GBA2: variants seen among roughly 807,000 people sequenced by gnomAD.
The protein encoded by GBA2 is glucosylceramidase beta 2.
In GBA2, 79 loss-of-function variants were observed where a neutral mutation model predicts 112.9. That is an observed-to-expected ratio of 0.70 (90% confidence interval 0.58 to 0.84). The LOEUF (loss-of-function observed/expected upper bound fraction) is 0.84. GBA2 is among the 40% of genes least tolerant of loss of function. The pLI, the probability that GBA2 is intolerant of heterozygous loss-of-function variation, is 0.00. For synonymous variants in GBA2, 403 were observed against 434.3 expected (o/e 0.93, Z 0.90); for missense variants, 1,043 against 1,190.0 (o/e 0.88, Z 1.82).
chr9:35,748,888 G>T lies in GBA2; in HGVS notation c.-184C>A. On this transcript the variant is annotated 5_prime_UTR_variant, in exon 1 of 17. Coordinates refer to ENST00000378103, the MANE Select transcript of GBA2 (RefSeq NM_020944.3). The stretch of plus-strand genomic sequence containing the variant: ...CTTCAGTGGGGGCGGCGACAGCAAA[G>T]AAGCCGCCTTGGGCTCTCCTTCGGT... 1 of 536,470 alleles carries T rather than the reference G, an allele frequency of 1.9e-6. No individual in the cohort carries two copies. Among genetic ancestry groups the T allele is most frequent in the Non-Finnish European group, 3.3e-6 (1 of 303,712 alleles). 33.2% of individuals were successfully genotyped at this position (536,470 alleles called of 1,614,324 possible).
intron 1 of GBA2, 43 bp downstream of exon 1, chr9:35,748,303 C>A: frequency 2.4e-6 from 3 of 1,256,370 alleles, no homozygotes; most frequent in Non-Finnish European, 3.4e-6. Flanking sequence ...TGAGCTGGAA[C>A]AAAGTGAAGC....
In GBA2 at chr9:35,741,306, T is replaced by C. The variant is rs1398001722; in HGVS notation, c.787-242A>G. ...TGATGTTCATGGCTCCAACCTCCCT[T>C]TCACAGGCCATGCAGTTTCTTTTTT... On this transcript the variant is annotated intron_variant, in intron 4 of 16. Transcript: ENST00000378103. This position sits in a 1 kb window ranked among gnomAD's most constrained non-coding sequence, Gnocchi z 4.6. 1.8e-6 allele frequency: 1 copy of C among 564,940 alleles called. No individual in the cohort carries two copies. The highest frequency in any genetic ancestry group is 3.1e-6 in the Non-Finnish European group (1 of 321,132). 35.0% of individuals were successfully genotyped at this position (564,940 alleles called of 1,614,324 possible).
In GBA2 at chr9:35,746,682, G is replaced by T. The variant is rs1240702400; in HGVS notation, c.359+1664C>A. On this transcript the variant is annotated intron_variant, in intron 1 of 16. Transcript: ENST00000378103. The surrounding 1 kb of genome is among the most constrained non-coding windows in gnomAD (Gnocchi z 5.2). ...AAGGATGGGATGACAGGAAGGCAGA[G>T]AATCCTCTCTGCCAGCTTAGAGAAA... Among the ~76,000 whole-genome samples the T allele has an allele frequency of 6.6e-6, 1 of 152,196 alleles. No homozygotes were observed. The highest frequency in any genetic ancestry group is 1.5e-5 in the Non-Finnish European group (1 of 68,032).
intron 3 of GBA2, 102 bp downstream of exon 3, chr9:35,744,195 A>G: frequency 1.4e-6 from 1 of 722,748 alleles, no homozygotes; most frequent in East Asian, 2.7e-5. Context: ...ATTAGATTGA[A>G]TCTTATTCAC....
In GBA2 at chr9:35,744,414, T is replaced by C; in HGVS notation, c.452-2A>G. 1 of 1,561,928 alleles carries C rather than the reference T, an allele frequency of 6.4e-7. No homozygotes were observed. The highest frequency in any genetic ancestry group is 8.8e-7 in the Non-Finnish European group (1 of 1,132,454). ...CCCCGATGCCACCCAAGGGACAACC[T>C]AGAGAAATCAGGGTGGTTAGTGGGG... is the stretch of plus-strand genomic sequence containing the variant. On this transcript the variant is annotated splice_acceptor_variant, in intron 2 of 16. Coordinates refer to ENST00000378103, the MANE Select transcript of GBA2 (RefSeq NM_020944.3). LOFTEE classifies it high-confidence loss of function.
At position 35,739,358 on chromosome 9, in the gene GBA2, G is replaced by C. The variant is rs149803758; in HGVS notation, c.1644C>G (p.Ile548Met). 1 of 1,613,564 alleles carries C rather than the reference G, an allele frequency of 6.2e-7. No homozygotes were observed. Among genetic ancestry groups the C allele is most frequent in the Non-Finnish European group, 8.5e-7 (1 of 1,179,610 alleles). ...DVHFYASFAL[I>M]MLWPKLELSL... ...TGAGCTCAAGTTTGGGCCAGAGCAT[G>C]ATGAGGGCAAAGGAAGCATAAAAGT... The change falls in exon 10 of 17, where the codon ATC becomes ATG. Residue 548 changes from isoleucine (I) to methionine (M), a missense_variant. Transcript: ENST00000378103.
Position 35,739,015 on chromosome 9 carries a change from A to G in GBA2, c.1782T>C (p.Asp594=), listed in dbSNP as rs756479728. 1.2e-6 allele frequency: 2 copies of G among 1,611,154 alleles called. No individual in the cohort carries two copies. Among genetic ancestry groups the G allele is most frequent in the Non-Finnish European group, 1.7e-6 (2 of 1,177,452 alleles). Residue 594 remains aspartate, a synonymous_variant, in exon 11 of 17, where the codon GAT becomes GAC. Coordinates refer to ENST00000378103, the MANE Select transcript of GBA2 (RefSeq NM_020944.3). ...PVKRRNVIPH[D]IGDPDDEPWL... ...GTGGACTTTTACCTGGGTCCCCAAT[A>G]TCATGGGGGATGACGTTCCTCCTTT...
chr9:35,737,870 C>T lies in GBA2; in HGVS notation c.2383G>A (p.Gly795Arg), dbSNP rs898668285. The T allele has an allele frequency of 1.2e-6, 2 of 1,613,720 alleles. No individual in the cohort carries two copies. Among genetic ancestry groups the T allele is most frequent in the African/African-American group, 1.3e-5 (1 of 74,916 alleles). ...IFELNVQAFA[G>R]GAMGAVNGMQ... ...CCATTCACAGCCCCCATGGCCCCTC[C>T]TGCAAAGGCCTGGACGTTCAGCTCA... Residue 795 changes from glycine (G) to arginine (R), a missense_variant, in exon 16 of 17, where the codon GGA becomes AGA. Gly to Arg is a moderately radical substitution (Grantham distance 125). Transcript: ENST00000378103. This position sits in a 1 kb window ranked among gnomAD's most constrained non-coding sequence, Gnocchi z 4.1.
Position 35,741,857 on chromosome 9 carries a change from C to G in GBA2, c.601G>C (p.Val201Leu). ...TVCLRREGQT[V>L]YQQVLSLERP... The stretch of plus-strand genomic sequence containing the variant: ...TCCAGGGACAGGACTTGCTGGTACA[C>G]AGTCTGCCCTTCCCGACGCAGGCAC... The change falls in exon 4 of 17, where the codon GTG becomes CTG. Residue 201 changes from valine (V) to leucine (L), a missense_variant. Physicochemically the swap from Val to Leu is conservative, Grantham distance 32. Transcript: ENST00000378103. The surrounding 1 kb of genome is among the most constrained non-coding windows in gnomAD (Gnocchi z 4.6). 1 of 1,614,008 alleles carries G rather than the reference C, an allele frequency of 6.2e-7. No individual in the cohort carries two copies. Among genetic ancestry groups the G allele is most frequent in the Non-Finnish European group, 8.5e-7 (1 of 1,179,874 alleles).
At chr9:35,739,282 A>T in intron 10 of GBA2, 33 bp downstream of exon 10, 1 of 1,428,142 alleles carries the variant, frequency 7.0e-7, no homozygotes, top group Non-Finnish European at 9.9e-7. Flanking sequence ...TGGGGAGCCA[A>T]GAGGGCAGAA....
chr9:35,742,662 G>A (rs1170976003), intron 3 of GBA2, among the ~76,000 whole-genome samples: 1 of 152,150 alleles, frequency 6.6e-6, no homozygotes, highest in Non-Finnish European at 1.5e-5. Context: ...TGTATGTGGA[G>A]GGAATGAGCG....
Position 35,744,637 on chromosome 9 carries a change from A to G in GBA2, c.429T>C (p.Ser143=). The stretch of plus-strand genomic sequence containing the variant: ...CACCATAAATCTGTCTTAGGGGTAC[A>G]GAATTGATCATGTCGATGAAAGGTG... ...KKTPFIDMIN[S]VPLRQIYGCP... The change falls in exon 2 of 17, where the codon TCT becomes TCC. Residue 143 remains serine (S), a synonymous_variant. Coordinates refer to ENST00000378103, the MANE Select transcript of GBA2 (RefSeq NM_020944.3). The G allele has an allele frequency of 1.2e-6, 2 of 1,606,480 alleles. No individual in the cohort carries two copies. The highest frequency in any genetic ancestry group is 1.7e-6 in the Non-Finnish European group (2 of 1,173,038).
chr9:35,741,945 T>TGGTCCTCTC lies in GBA2; in HGVS notation c.568-56_568-55insGAGAGGACC, dbSNP rs1365650079. The TGGTCCTCTC allele has an allele frequency of 8.5e-7, 1 of 1,182,308 alleles. No homozygotes were observed. Among genetic ancestry groups the TGGTCCTCTC allele is most frequent in the African/African-American group, 1.5e-5 (1 of 66,752 alleles). 73.2% of individuals were successfully genotyped at this position (1,182,308 alleles called of 1,614,324 possible). ...TAAACCACAGGGACCACAGACTAAG[T>TGGTCCTCTC]CTTCCCTCTCCTCAAATCAGCTCCT... On this transcript the variant is annotated intron_variant, in intron 3 of 16. Transcript: ENST00000378103. This position sits in a 1 kb window ranked among gnomAD's most constrained non-coding sequence, Gnocchi z 4.6.
Position 35,738,845 on chromosome 9 carries a change from C to T in GBA2, c.1854G>A (p.Lys618=). 1 of 1,613,886 alleles carries T rather than the reference C, an allele frequency of 6.2e-7. No individual in the cohort carries two copies. Among genetic ancestry groups the T allele is most frequent in the Non-Finnish European group, 8.5e-7 (1 of 1,179,744 alleles). Residue 618 remains lysine, a synonymous_variant, in exon 12 of 17, where the codon AAG becomes AAA. Coordinates refer to ENST00000378103, the MANE Select transcript of GBA2 (RefSeq NM_020944.3). ...GCAGCACAAACTTCAGGTTCAGGTC[C>T]TTCCAATCAGCAGTATCATGGATTA... ...AYLIHDTADW[K]DLNLKFVLQV...
In GBA2 at chr9:35,737,708, G is replaced by C; in HGVS notation, c.2505+40C>G. 1 of 1,610,672 alleles carries C rather than the reference G, an allele frequency of 6.2e-7. No individual in the cohort carries two copies. Among genetic ancestry groups the C allele is most frequent in the South Asian group, 1.1e-5 (1 of 91,040 alleles). On this transcript the variant is annotated intron_variant, in intron 16 of 16. Transcript: ENST00000378103. This position sits in a 1 kb window ranked among gnomAD's most constrained non-coding sequence, Gnocchi z 4.1. ...GTGGTTGAGGAAGTTTTCTGGGCCAGGATACAGATGGTGGAGAGATGGGAA... is the reference window on the plus strand; with the variant it reads ...GTGGTTGAGGAAGTTTTCTGGGCCACGATACAGATGGTGGAGAGATGGGAA...
rs1416755813 is a variant in GBA2 at position 35,740,037 on chromosome 9, T to A, written c.1370A>T (p.Glu457Val). 1 of 1,614,132 alleles carries A rather than the reference T, an allele frequency of 6.2e-7. No homozygotes were observed. Among genetic ancestry groups the A allele is most frequent in the South Asian group, 1.1e-5 (1 of 91,078 alleles). ...YALCRYAEWE[E>V]RISAWQSPVL... The stretch of plus-strand genomic sequence containing the variant: ...CGGGCTCTGCCAAGCTGAGATCCTC[T>A]CTTCCCACTCTGCGTATCGGCACAG... Residue 457 changes from glutamate (E) to valine (V), a missense_variant, in exon 8 of 17, where the codon GAG (glutamate) becomes GTG (valine). Glu to Val is a moderately radical substitution (Grantham distance 121). Coordinates refer to ENST00000378103, the MANE Select transcript of GBA2 (RefSeq NM_020944.3). The surrounding 1 kb of genome is among the most constrained non-coding windows in gnomAD (Gnocchi z 4.7).
At chr9:35,739,594 G>A (rs745604006) in intron 9 of GBA2, 34 bp downstream of exon 9, 1 of 1,591,464 alleles carries the variant, frequency 6.3e-7, no homozygotes, top group Non-Finnish European at 8.6e-7. Flanking sequence ...CTTGGGGATG[G>A]CCTGCCATAT....
At chr9:35,745,276 C>T (rs1392741066) in intron 1 of GBA2, among the ~76,000 whole-genome samples, 1 of 152,096 alleles carries the variant, frequency 6.6e-6, no homozygotes, top group Non-Finnish European at 1.5e-5. Context: ...GTGCCCGCCA[C>T]CATGCCTGGC....
At position 35,738,223 on chromosome 9, in the gene GBA2, C is replaced by T. The variant is rs762268946; in HGVS notation, c.2197+9G>A. ...CTGCCTTAAGACTACTTAGGCTCCCCGAACTCACCATTCCACAGCAGTCTC... is the reference window on the plus strand; with the variant it reads ...CTGCCTTAAGACTACTTAGGCTCCCTGAACTCACCATTCCACAGCAGTCTC... On this transcript the variant is annotated intron_variant, in intron 14 of 16. Coordinates refer to ENST00000378103, the MANE Select transcript of GBA2 (RefSeq NM_020944.3). The T allele has an allele frequency of 1.9e-6, 3 of 1,614,166 alleles. No homozygotes were observed. The highest frequency in any genetic ancestry group is 1.7e-6 in the Non-Finnish European group (2 of 1,180,006).
Sources: gnomAD v4.1 joint callset for allele counts (sites outside exome capture counted in the v4.1 genomes callset) on GRCh38, gnomAD v4.1.1 for gene constraint, Gnocchi (gnomAD v3.1) non-coding constraint, MANE v1.5 for transcripts, NCBI Gene and HGNC (gene_info 2026-07-23, HGNC 2026-07-21) for gene names.